Variants in TOP1MT observed in about 807,000 individuals in gnomAD.
TOP1MT encodes the protein DNA topoisomerase I mitochondrial, also known as DNA topoisomerase I, mitochondrial.
A neutral mutation model predicts 73.9 loss-of-function variants in TOP1MT; 80 were observed. The observed-to-expected ratio is 1.08, with a 90% confidence interval of 0.90 to 1.30. The LOEUF (loss-of-function observed/expected upper bound fraction) is 1.30. TOP1MT is among the 50% of genes most tolerant of loss of function. The pLI is 0.00. For synonymous variants in TOP1MT, 338 were observed against 326.4 expected (o/e 1.04, Z -0.38); for missense variants, 815 against 808.0 (o/e 1.01, Z -0.10).
At chr8:143,323,771 A>T (rs1586763256) in intron 7 of TOP1MT, among the ~76,000 whole-genome samples, 1 of 148,464 alleles carries the variant, frequency 6.7e-6, no homozygotes, top group South Asian at 2.1e-4. Context: ...CAGACATGCC[A>T]CACACAGGCA....
rs1160096626 is a variant in TOP1MT at position 143,342,641 on chromosome 8, C to CTAT, written c.29+576_29+578dup. Among the ~76,000 whole-genome samples, 3 of 22,190 alleles carry CTAT rather than the reference C, an allele frequency of 1.4e-4. 1 individual carries two copies. The highest frequency in any genetic ancestry group is 2.2e-4 in the Non-Finnish European group (3 of 13,646). 14.6% of individuals were successfully genotyped at this position (22,190 alleles called of 152,430 possible). On this transcript the variant is annotated intron_variant, in intron 2 of 5. Coordinates refer to the TOP1MT transcript ENST00000518007. ...TATTATTATTAGAGACAGTCTCGCT[C>CTAT]TATTATTATTATTATTATTAGAGAC...
chr8:143,340,628 C>G (rs1425981924), intron 2 of TOP1MT, among the ~76,000 whole-genome samples: 1 of 152,202 alleles, frequency 6.6e-6, no homozygotes, highest in Non-Finnish European at 1.5e-5. Context: ...TGCCCCAGGG[C>G]AATGGCGAGG....
intron 3 of TOP1MT, chr8:143,327,669 A>G (rs769994432): frequency 1.7e-5 from 6 of 352,130 alleles, no homozygotes; most frequent in South Asian, 1.1e-4. Flanking sequence ...TCTGCTAGTG[A>G]CTGGAAGAAG....
At chr8:143,321,803 CGCACGCT>C (rs1586757759) in intron 7 of TOP1MT, among the ~76,000 whole-genome samples, 18 of 78,914 alleles carry the variant, frequency 2.3e-4, no homozygotes, top group South Asian at 5.4e-4. Context: ...ACGCCACACA[CGCACGCT>C]ACACACACAC....
chr8:143,313,804 G>A (rs1309044539), intron 12 of TOP1MT, among the ~76,000 whole-genome samples: 6 of 150,670 alleles, frequency 4.0e-5, no homozygotes, highest in African/African-American at 1.2e-4. Context: ...GCAGTGAGCC[G>A]AGATCATGCC....
intron 7 of TOP1MT, among the ~76,000 whole-genome samples, chr8:143,321,856 ACGCATGCCACACGCACAC>A (rs1276345306): frequency 1.8e-4 from 18 of 97,844 alleles, no homozygotes; most frequent in South Asian, 7.9e-4. Context: ...CACGCCACAC[ACGCATGCCACACGCACAC>A]CACACGCACG....
chr8:143,324,466 T>TGCCA lies in TOP1MT; in HGVS notation c.816+15_816+18dup. 1 of 1,613,694 alleles carries TGCCA rather than the reference T, an allele frequency of 6.2e-7. No individual in the cohort carries two copies. Among genetic ancestry groups the TGCCA allele is most frequent in the Non-Finnish European group, 8.5e-7 (1 of 1,179,958 alleles). ...GGGACCTCCTGGGGAGGAAACACCC[T>TGCCA]GCCAAGCCCTGCGCTCACCTTCAGC... On this transcript the variant is annotated intron_variant, in intron 6 of 13. Coordinates refer to ENST00000329245, the MANE Select transcript of TOP1MT (RefSeq NM_052963.3).
chr8:143,338,631 A>T (rs1289940668), upstream of TOP1MT, among the ~76,000 whole-genome samples: 1 of 152,318 alleles, frequency 6.6e-6, no homozygotes, highest in East Asian at 1.9e-4. Flanking sequence ...TTCTCCAAAG[A>T]TGAGATATAA....
At chr8:143,324,384 A>G in intron 6 of TOP1MT, 101 bp downstream of exon 6, 1 of 1,556,692 alleles carries the variant, frequency 6.4e-7, no homozygotes, top group Middle Eastern at 1.9e-4. Context: ...CTCCCAGCCC[A>G]TCTCAGAAGC....
At chr8:143,321,632 ACAGG>A (rs1563758012) in intron 7 of TOP1MT, among the ~76,000 whole-genome samples, 2 of 36,906 alleles carry the variant, frequency 5.4e-5, no homozygotes, top group Non-Finnish European at 6.9e-5. Context: ...CACGCCACAC[ACAGG>A]CACGCCACAC....
chr8:143,332,959 T>G (rs925464588), intron 1 of TOP1MT, among the ~76,000 whole-genome samples: 1 of 152,208 alleles, frequency 6.6e-6, no homozygotes, highest in Non-Finnish European at 1.5e-5. Context: ...GAGACCAGCC[T>G]CACCTTTCTT....
chr8:143,334,901 C>CCCAGCGGCCAGCCCCGCCCCGCCA (rs1816955136), upstream of TOP1MT: 1 of 1,389,688 alleles, frequency 7.2e-7, no homozygotes, highest in African/African-American at 1.6e-5. Flanking sequence ...TGGGCCCCGC[C>CCCAGCGGCCAGCCCCGCCCCGCCA]CCAGCGGCCA....
intron 2 of TOP1MT, among the ~76,000 whole-genome samples, chr8:143,340,417 T>C (rs1817057968): frequency 6.6e-6 from 1 of 151,980 alleles, no homozygotes; most frequent in African/African-American, 2.4e-5. Context: ...CCTGCTGCCT[T>C]CGGCCTTCTC....
chr8:143,332,675 G>T, intron 1 of TOP1MT: 1 of 802,204 alleles, frequency 1.2e-6, no homozygotes, highest in Non-Finnish European at 1.8e-6. Context: ...GGAGGGAATG[G>T]GCAAGGTTAG....
chr8:143,334,701 G>A (rs1414776698), intron 1 of TOP1MT, 39 bp downstream of exon 1: 1 of 1,596,522 alleles, frequency 6.3e-7, no homozygotes. Context: ...CAAGCCCGGT[G>A]CTCAGGGCCC....
chr8:143,353,566 A>G (rs1817355261), intron 1 of TOP1MT, among the ~76,000 whole-genome samples: 2 of 152,234 alleles, frequency 1.3e-5, no homozygotes, highest in Non-Finnish European at 2.9e-5. Context: ...CTGAGTTACC[A>G]CTTTACATCA....
chr8:143,323,886 A>C, intron 7 of TOP1MT, 113 bp downstream of exon 7: 1 of 1,206,494 alleles, frequency 8.3e-7, no homozygotes, highest in South Asian at 1.4e-5. Flanking sequence ...CCCCATCAGA[A>C]TGAGGTTCCA....
At chr8:143,332,736 A>G (rs1373053954) in intron 1 of TOP1MT, 3 of 437,014 alleles carry the variant, frequency 6.9e-6, no homozygotes, top group African/African-American at 4.1e-5. Flanking sequence ...CGGGCTCAAG[A>G]ACCTTCCAGG....
intron 10 of TOP1MT, among the ~76,000 whole-genome samples, chr8:143,317,181 A>G (rs1816189912): frequency 6.6e-6 from 1 of 152,176 alleles, no homozygotes; most frequent in Non-Finnish European, 1.5e-5. Flanking sequence ...ATCTGCCCGG[A>G]CATCACAGAG....
Sources: allele counts gnomAD v4.1 joint callset (sites outside exome capture counted in the v4.1 genomes callset), GRCh38; gene constraint gnomAD v4.1.1; transcripts MANE v1.5; gene names NCBI Gene and HGNC (gene_info 2026-07-23, HGNC 2026-07-21).